The following HDAC4 variants were observed in gnomAD, a reference collection of about 807,000 sequenced individuals.
The protein encoded by HDAC4 is histone deacetylase 4, also known as histone deacetylase A.
Under a neutral mutation model 135.1 loss-of-function variants are expected in HDAC4, and 16 were observed. The observed-to-expected ratio is 0.12, with a 90% CI of 0.08 to 0.18. The LOEUF is 0.18. Among genes scored for constraint, HDAC4 ranks in the 10% least tolerant of loss-of-function variants. The pLI is 1.00. For synonymous variants in HDAC4, 685 were observed against 653.4 expected (o/e 1.05, Z -0.74); for missense variants, 1,143 against 1,511.8 (o/e 0.76, Z 4.05).
At chr2:239,098,787 C>T (rs535853701) in intron 16 of HDAC4, among the ~76,000 whole-genome samples, 75 of 152,334 alleles carry the variant, frequency 4.9e-4, no homozygotes, top group Non-Finnish European at 7.6e-4. Flanking sequence ...TCAGCTATTA[C>T]CATGTCTGAA....
chr2:239,053,728 C>T lies in HDAC4; in HGVS notation c.3089-127G>A, dbSNP rs367788169. The stretch of plus-strand genomic sequence containing the variant: ...GATCCCTTATGATTTTAAAAGCACC[C>T]GTCTTTGAAGAGACACGAAGCAGAA... On this transcript the variant is annotated intron_variant, in intron 25 of 26. Coordinates refer to ENST00000543185, the MANE Select transcript of HDAC4 (RefSeq NM_001378414.1). The T allele has an allele frequency of 3.6e-4, 277 of 765,342 alleles. 4 individuals are homozygous for T. The East Asian group carries it at 5.0e-3, about 14-fold the overall frequency. The allele number at this position is 765,342 out of a possible 1,614,324, so 47.4% of individuals were successfully genotyped here.
In HDAC4 at chr2:239,240,998, G is replaced by A. The variant is rs1195221959; in HGVS notation, c.23-4334C>T. Among the ~76,000 whole-genome samples the A allele has an allele frequency of 6.6e-6, 1 of 152,194 alleles. No individual in the cohort carries two copies. The highest frequency in any genetic ancestry group is 6.5e-5 in the Admixed American group (1 of 15,274). On this transcript the variant is annotated intron_variant, in intron 2 of 26. Transcript: ENST00000543185. This position sits in a 1 kb window ranked among gnomAD's most constrained non-coding sequence, Gnocchi z 4.5. Reference sequence around the variant, plus strand: ...ACCTCACTTTCACCCGGAGGGCCCAGGCCCCCCACTTCACACTTGGGGAAA... The same window carrying A: ...ACCTCACTTTCACCCGGAGGGCCCAAGCCCCCCACTTCACACTTGGGGAAA...
At position 239,071,716 on chromosome 2, in the gene HDAC4, A is replaced by T. The variant is rs140322853; in HGVS notation, c.2751-3109T>A. ...TCCATCTCCTGTTATGACACTCAGG[A>T]CCCTGAGTCCACCTGTTGAACATTT... On this transcript the variant is annotated intron_variant, in intron 22 of 26. Transcript: ENST00000543185. 9.7e-4 allele frequency among the ~76,000 whole-genome samples: 147 copies of T among 152,110 alleles called. 1 individual carries two copies. The highest frequency in any genetic ancestry group is 3.4e-3 in the Middle Eastern group (1 of 294).
At chr2:239,335,815 G>A (rs1012827682) in intron 2 of HDAC4, among the ~76,000 whole-genome samples, 1 of 152,200 alleles carries the variant, frequency 6.6e-6, no homozygotes, top group Non-Finnish European at 1.5e-5. Flanking sequence ...GGCAAGGACA[G>A]AGCAACATTC....
intron 2 of HDAC4, among the ~76,000 whole-genome samples, chr2:239,244,025 T>C (rs1302226184): frequency 6.6e-6 from 1 of 152,164 alleles, no homozygotes; most frequent in African/African-American, 2.4e-5. Flanking sequence ...GGGTATTTTA[T>C]AGAATGTGCT....
chr2:239,384,053 C>G (rs1695614874), intron 1 of HDAC4, among the ~76,000 whole-genome samples: 1 of 152,186 alleles, frequency 6.6e-6, no homozygotes, highest in Admixed American at 6.5e-5. Context: ...ACGAACAGCC[C>G]GGACACAGAC....
intron 2 of HDAC4, among the ~76,000 whole-genome samples, chr2:239,321,857 C>T (rs180938395): frequency 1.3e-5 from 2 of 152,274 alleles, no homozygotes; most frequent in South Asian, 2.1e-4. Context: ...ATGGCACATC[C>T]GGTTGTTAAG....
At chr2:239,253,580 C>T (rs1246017803) in intron 2 of HDAC4, among the ~76,000 whole-genome samples, 2 of 152,234 alleles carry the variant, frequency 1.3e-5, no homozygotes, top group African/African-American at 4.8e-5. Context: ...CAGAACACAG[C>T]AAGTCAACCA....
At chr2:239,362,357 C>A (rs971138752) in intron 1 of HDAC4, among the ~76,000 whole-genome samples, 1 of 152,214 alleles carries the variant, frequency 6.6e-6, no homozygotes, top group Non-Finnish European at 1.5e-5. Flanking sequence ...TTCCTCCTCC[C>A]GCAGCTTGGA....
At chr2:239,383,167 C>T (rs1031773452) in intron 1 of HDAC4, among the ~76,000 whole-genome samples, 2 of 152,180 alleles carry the variant, frequency 1.3e-5, no homozygotes, top group Admixed American at 6.5e-5. Flanking sequence ...CAAAGGCTCC[C>T]CTTGTCGAGG....
intron 3 of HDAC4, among the ~76,000 whole-genome samples, chr2:239,219,220 A>G (rs1575440275): frequency 6.6e-6 from 1 of 151,728 alleles, no homozygotes; most frequent in Non-Finnish European, 1.5e-5. Flanking sequence ...GAACCAACCC[A>G]AAAGTCCAAC....
chr2:239,350,814 T>A (rs1693097213), intron 2 of HDAC4, among the ~76,000 whole-genome samples: 1 of 152,146 alleles, frequency 6.6e-6, no homozygotes, highest in Non-Finnish European at 1.5e-5. Context: ...GAACTTTAAA[T>A]ACAATATTGA....
intron 13 of HDAC4, among the ~76,000 whole-genome samples, chr2:239,112,200 C>A (rs1189468158): frequency 2.0e-5 from 3 of 152,150 alleles, no homozygotes; most frequent in Admixed American, 6.5e-5. Context: ...ATGCGAAGGC[C>A]ATGTAGATGT....
chr2:239,197,385 G>A (rs145794816), intron 3 of HDAC4, among the ~76,000 whole-genome samples: 31 of 152,254 alleles, frequency 2.0e-4, no homozygotes, highest in Admixed American at 2.6e-4. Context: ...GGCCCCCAGC[G>A]TTCCGAAATT....
intron 2 of HDAC4, among the ~76,000 whole-genome samples, chr2:239,350,014 A>G (rs545423028): frequency 6.6e-6 from 1 of 152,328 alleles, no homozygotes; most frequent in Non-Finnish European, 1.5e-5. Context: ...ACTGAACCGC[A>G]GCGGCTGAAA....
chr2:239,061,451 G>A (rs920496530), intron 24 of HDAC4, among the ~76,000 whole-genome samples: 10 of 151,226 alleles, frequency 6.6e-5, no homozygotes, highest in African/African-American at 2.2e-4. Flanking sequence ...TGCCTGTGTG[G>A]GTGTGCGTAT....
At chr2:239,190,485 G>A (rs991608112) in intron 3 of HDAC4, among the ~76,000 whole-genome samples, 17 of 152,306 alleles carry the variant, frequency 1.1e-4, no homozygotes, top group African/African-American at 2.2e-4. Flanking sequence ...AAGCGCGGGC[G>A]CCAGGTCTCA....
intron 5 of HDAC4, 68 bp from the exon 6 acceptor site, chr2:239,163,991 C>T (rs750873591): frequency 1.4e-5 from 22 of 1,587,748 alleles, no homozygotes; most frequent in African/African-American, 6.7e-5. Flanking sequence ...TGCAGGGCAG[C>T]GGGGCCACAG....
rs567520066 is a variant in HDAC4, at chr2:239,077,338, G to A, written c.2750+3757C>T. On this transcript the variant is annotated intron_variant, in intron 22 of 26. Coordinates refer to ENST00000543185, the MANE Select transcript of HDAC4 (RefSeq NM_001378414.1). ...GCTCGTTCTTCCAGGACTCAGCTGG[G>A]GGCTTGCCTCCTCCAGAAACTTCCT... 1.7e-3 allele frequency among the ~76,000 whole-genome samples: 253 copies of A among 152,358 alleles called. 1 individual carries two copies. Among genetic ancestry groups the A allele is most frequent in the African/African-American group, 5.4e-3 (224 of 41,588 alleles).
Sources: gnomAD v4.1 joint callset for allele counts (sites outside exome capture counted in the v4.1 genomes callset) on GRCh38, gnomAD v4.1.1 for gene constraint, Gnocchi (gnomAD v3.1) non-coding constraint, MANE v1.5 for transcripts, NCBI Gene and HGNC (gene_info 2026-07-23, HGNC 2026-07-21) for gene names.